Variants in TUBGCP3 observed in about 807,000 individuals in gnomAD.
The protein encoded by TUBGCP3 is gamma-tubulin complex component 3.
A neutral mutation model predicts 123.1 loss-of-function variants in TUBGCP3; 50 were observed. The observed-to-expected ratio is 0.41, with a 90% confidence interval of 0.32 to 0.51. TUBGCP3 has a LOEUF of 0.51. Ranked by LOEUF, TUBGCP3 falls within the 20% of genes least tolerant of loss-of-function variation. The pLI, the probability that TUBGCP3 is intolerant of heterozygous loss-of-function variation, is 0.36. For missense variants in TUBGCP3, 882 were observed against 1,127.0 expected (o/e 0.78, Z 3.11); for synonymous variants, 405 against 413.9 (o/e 0.98, Z 0.26).
Position 112,558,229 on chromosome 13 carries a change from C to A in TUBGCP3, c.515G>T (p.Gly172Val). The part of the protein sequence containing the change: ...ISSIGLCALS[G>V]PAPAPQSLLP... Reference sequence around the variant, plus strand: ...GAGAGATTGTGGCGCAGGCGCGGGGCCACTGAGGGCACACAGGCCAATGCT... The same window carrying A: ...GAGAGATTGTGGCGCAGGCGCGGGGACACTGAGGGCACACAGGCCAATGCT... Residue 172 changes from glycine to valine, a missense_variant, in exon 5 of 22, where the codon GGC (glycine) becomes GTC (valine). Gly to Val is a moderately radical substitution (Grantham distance 109, BLOSUM62 -3). Around this residue, in one of 3 missense-constraint regions of TUBGCP3, gnomAD observed 713 missense variants for 874.0 expected, o/e 0.82. Transcript: ENST00000261965. 1 of 1,611,966 alleles carries A rather than the reference C, an allele frequency of 6.2e-7. No homozygotes were observed. Among genetic ancestry groups the A allele is most frequent in the Non-Finnish European group, 8.5e-7 (1 of 1,179,784 alleles).
intron 10 of TUBGCP3, 173 bp downstream of exon 10, chr13:112,547,447 A>C: frequency 8.7e-7 from 1 of 1,151,040 alleles, no homozygotes; most frequent in Non-Finnish European, 1.1e-6. Flanking sequence ...AGGACACAAA[A>C]GCAAGCCTGG....
chr13:112,562,913 C>T (rs1880632903), intron 3 of TUBGCP3, among the ~76,000 whole-genome samples: 1 of 152,230 alleles, frequency 6.6e-6, no homozygotes, highest in Admixed American at 6.5e-5. Context: ...TTTCCCGGCA[C>T]TGCCACACCA....
intron 13 of TUBGCP3, 80 bp downstream of exon 13, chr13:112,526,862 T>C: frequency 9.8e-7 from 1 of 1,023,728 alleles, no homozygotes; most frequent in South Asian, 1.3e-5. Flanking sequence ...ACATCACTGT[T>C]ACCATGAGTA....
chr13:112,544,180 G>T (rs528921107), intron 11 of TUBGCP3, among the ~76,000 whole-genome samples: 1 of 151,904 alleles, frequency 6.6e-6, no homozygotes, highest in Non-Finnish European at 1.5e-5. Context: ...CAGGCCGGGC[G>T]CAGTGGCTCA....
chr13:112,546,226 A>G (rs1268568266), intron 10 of TUBGCP3: 2 of 198,262 alleles, frequency 1.0e-5, no homozygotes, highest in Non-Finnish European at 2.1e-5. Context: ...TCATGGTGCA[A>G]AGGAGGGCAC....
chr13:112,598,972 T>A, the TUBGCP3 span, among the ~76,000 whole-genome samples: 1 of 146,248 alleles, frequency 6.8e-6, no homozygotes, highest in African/African-American at 2.6e-5. Context: ...AGTAAATTAT[T>A]AGACAATAAA....
At chr13:112,534,042 A>C (rs766015020) in intron 11 of TUBGCP3, among the ~76,000 whole-genome samples, 1 of 152,090 alleles carries the variant, frequency 6.6e-6, no homozygotes, top group African/African-American at 2.4e-5. Flanking sequence ...AAGGGAGATG[A>C]GTATGCAGAG....
At chr13:112,570,710 CCCTT>C (rs1881327948) in intron 1 of TUBGCP3, among the ~76,000 whole-genome samples, 2 of 152,274 alleles carry the variant, frequency 1.3e-5, no homozygotes, top group South Asian at 4.1e-4. Context: ...CATCGATTGA[CCCTT>C]CCTTTCATGC....
chr13:112,547,544 A>C, intron 10 of TUBGCP3, 76 bp downstream of exon 10: 1 of 724,176 alleles, frequency 1.4e-6, no homozygotes, highest in Non-Finnish European at 1.7e-6. Context: ...GTGCATGGGA[A>C]AGTCGCGCGT....
chr13:112,547,684 C>G lies in TUBGCP3; in HGVS notation c.1104G>C (p.Leu368=), dbSNP rs1879178076. The change falls in exon 10 of 22, where the codon CTG becomes CTC. Residue 368 remains leucine, a synonymous_variant. Transcript: ENST00000261965. ...LESSLTLRRL[L]VWTYDPKIRL... Reference sequence around the variant, plus strand: ...GTATTTTGGGATCATAGGTCCAAACCAGGAGGCGCCGAAGTGTTAAACTAC... The same window carrying G: ...GTATTTTGGGATCATAGGTCCAAACGAGGAGGCGCCGAAGTGTTAAACTAC... 6.3e-7 allele frequency: 1 copy of G among 1,585,448 alleles called. No individual in the cohort carries two copies. Among genetic ancestry groups the G allele is most frequent in the Non-Finnish European group, 8.6e-7 (1 of 1,163,322 alleles).
chr13:112,498,227 A>T (rs1301467853), intron 20 of TUBGCP3, among the ~76,000 whole-genome samples: 3 of 152,190 alleles, frequency 2.0e-5, no homozygotes, highest in African/African-American at 7.2e-5. Context: ...CGATGGGTTT[A>T]TTGGGGTACA....
chr13:112,486,234 G>A (rs1479318758), intron 21 of TUBGCP3, 83 bp from the exon 22 acceptor site: 3 of 1,511,706 alleles, frequency 2.0e-6, no homozygotes, highest in Non-Finnish European at 2.7e-6. Flanking sequence ...ATCTCCTTTG[G>A]GTTGGGTCTG....
At position 112,524,258 on chromosome 13, in the gene TUBGCP3, C is replaced by T. The variant is rs1441007393; in HGVS notation, c.1556-1749G>A. 6.6e-6 allele frequency among the ~76,000 whole-genome samples: 1 copy of T among 152,174 alleles called. No homozygotes were observed. The highest frequency in any genetic ancestry group is 6.5e-5 in the Admixed American group (1 of 15,282). On this transcript the variant is annotated intron_variant, in intron 13 of 21. Coordinates refer to ENST00000261965, the MANE Select transcript of TUBGCP3 (RefSeq NM_006322.6). The surrounding 1 kb of genome is among the most constrained non-coding windows in gnomAD (Gnocchi z 4.4). The stretch of plus-strand genomic sequence containing the variant: ...GCTATGCAAATAGCTGTTAAATTGT[C>T]TTGGTTTTTTGTGTATTTTTTTAGT...
At chr13:112,512,986 C>T (rs572029986) in intron 17 of TUBGCP3, among the ~76,000 whole-genome samples, 76 of 152,162 alleles carry the variant, frequency 5.0e-4, no homozygotes, top group Non-Finnish European at 9.0e-4. Context: ...ACGATGAACG[C>T]ATCCTTGTTT....
chr13:112,566,619 T>C (rs1479730104), intron 2 of TUBGCP3, among the ~76,000 whole-genome samples: 3 of 152,254 alleles, frequency 2.0e-5, no homozygotes, highest in Non-Finnish European at 4.4e-5. Context: ...TATAATTTAC[T>C]GTATTTACAA....
intron 11 of TUBGCP3, among the ~76,000 whole-genome samples, chr13:112,543,978 T>C (rs1878737908): frequency 6.6e-6 from 1 of 152,098 alleles, no homozygotes; most frequent in Non-Finnish European, 1.5e-5. Context: ...ATCAGGGAAA[T>C]GCAAATAAAC....
intron 11 of TUBGCP3, among the ~76,000 whole-genome samples, chr13:112,530,689 A>T (rs1248038432): frequency 6.6e-6 from 1 of 152,230 alleles, no homozygotes; most frequent in Non-Finnish European, 1.5e-5. Flanking sequence ...CACAAAATAG[A>T]GTTTCAGAGA....
intron 1 of TUBGCP3, among the ~76,000 whole-genome samples, chr13:112,572,363 G>A (rs946556680): frequency 2.0e-5 from 3 of 152,142 alleles, no homozygotes; most frequent in South Asian, 2.1e-4. Flanking sequence ...ATAGGTATAC[G>A]TGTGCTGTGC....
At chr13:112,575,334 T>C (rs534429986) in intron 1 of TUBGCP3, among the ~76,000 whole-genome samples, 6 of 152,304 alleles carry the variant, frequency 3.9e-5, no homozygotes, top group African/African-American at 1.4e-4. Flanking sequence ...AAGTAAACTT[T>C]AGACTAAGAA....
Sources: gnomAD v4.1 joint callset for allele counts (sites outside exome capture counted in the v4.1 genomes callset) on GRCh38, gnomAD v4.1.1 for gene constraint, gnomAD v4.1.1 regional missense constraint, Gnocchi (gnomAD v3.1) non-coding constraint, MANE v1.5 for transcripts, NCBI Gene and HGNC (gene_info 2026-07-23, HGNC 2026-07-21) for gene names.